Variants in ARL15 observed in about 807,000 individuals in gnomAD.
The protein encoded by ARL15 is ARF like GTPase 15.
A neutral mutation model predicts 25.2 loss-of-function variants in ARL15; 19 were observed. The ratio of observed to expected loss-of-function variants is 0.75; its 90% CI spans 0.53 to 1.10. The LOEUF (loss-of-function observed/expected upper bound fraction) is 1.10. ARL15 is among the 50% of genes least tolerant of loss of function. The pLI is 0.00. For synonymous variants in ARL15, 94 were observed against 86.8 expected, an observed-to-expected ratio of 1.08 and a Z score of -0.46; for missense variants, 220 against 246.0, an observed-to-expected ratio of 0.89 and a Z score of 0.71.
chr5:54,047,543 C>T (rs1026635324), intron 4 of ARL15, among the ~76,000 whole-genome samples: 4 of 152,182 alleles, frequency 2.6e-5, no homozygotes, highest in Admixed American at 2.6e-4. Context: ...TCTGCTAGGG[C>T]ATCGCTGTGG....
chr5:53,976,320 T>G (rs1747920596), intron 4 of ARL15, among the ~76,000 whole-genome samples: 1 of 152,080 alleles, frequency 6.6e-6, no homozygotes, highest in Non-Finnish European at 1.5e-5. Flanking sequence ...TTGCACATGC[T>G]CCAAGAACAG....
At position 54,217,105 on chromosome 5, in the gene ARL15, G is replaced by A. The variant is rs1341752253; in HGVS notation, c.49-45177C>T. On this transcript the variant is annotated intron_variant, in intron 1 of 4. Transcript: ENST00000504924. Reference sequence around the variant, plus strand: ...TAAGCCACAGTTTTCTTAAAATTCAGTTCGATTTAAAAGGAAGATTTATCC... The same window carrying A: ...TAAGCCACAGTTTTCTTAAAATTCAATTCGATTTAAAAGGAAGATTTATCC... 2.0e-5 allele frequency among the ~76,000 whole-genome samples: 3 copies of A among 151,628 alleles called. No homozygotes were observed. The South Asian group carries it at 6.2e-4, about 31-fold the overall frequency.
intron 1 of ARL15, among the ~76,000 whole-genome samples, chr5:54,201,311 C>T (rs936753294): frequency 2.0e-5 from 3 of 152,150 alleles, no homozygotes; most frequent in Admixed American, 2.0e-4. Flanking sequence ...ATACCCACCA[C>T]ATCACCATGA....
intron 4 of ARL15, among the ~76,000 whole-genome samples, chr5:53,947,541 G>A (rs1746789648): frequency 6.6e-6 from 1 of 152,046 alleles, no homozygotes. Context: ...CCTGATGCAG[G>A]GCATTTAATA....
chr5:54,054,594 T>C (rs544932442), intron 4 of ARL15, among the ~76,000 whole-genome samples: 233 of 152,194 alleles, frequency 1.5e-3, no homozygotes, highest in African/African-American at 5.4e-3. Context: ...ATCAAGACCA[T>C]CCTGGCTAAC....
chr5:54,190,155 T>A (rs1435846296), intron 1 of ARL15, among the ~76,000 whole-genome samples: 1 of 151,330 alleles, frequency 6.6e-6, no homozygotes, highest in Non-Finnish European at 1.5e-5. Context: ...ACTTTGGGAG[T>A]CAAGGCAGGT....
chr5:53,924,482 G>A, intron 4 of ARL15, among the ~76,000 whole-genome samples: 1 of 152,162 alleles, frequency 6.6e-6, no homozygotes, highest in East Asian at 1.9e-4. Flanking sequence ...TGAGCCAGAA[G>A]GGGACTTACA....
At chr5:53,992,757 T>C (rs1748544757) in intron 4 of ARL15, among the ~76,000 whole-genome samples, 1 of 152,182 alleles carries the variant, frequency 6.6e-6, no homozygotes, top group Non-Finnish European at 1.5e-5. Flanking sequence ...ACAGTATTGG[T>C]ACATTGCATG....
At chr5:54,125,136 C>A (rs1753208945) in intron 3 of ARL15, among the ~76,000 whole-genome samples, 2 of 147,090 alleles carry the variant, frequency 1.4e-5, no homozygotes, top group Non-Finnish European at 3.0e-5. Flanking sequence ...GGCCGGAGTG[C>A]AATTCTCCTG....
intron 4 of ARL15, among the ~76,000 whole-genome samples, chr5:54,045,844 C>T (rs1750492842): frequency 6.6e-6 from 1 of 152,200 alleles, no homozygotes; most frequent in Admixed American, 6.5e-5. Context: ...AGCCAACTCA[C>T]TTGAAGGAAA....
chr5:54,183,627 T>C (rs1755131113), intron 1 of ARL15, among the ~76,000 whole-genome samples: 1 of 151,758 alleles, frequency 6.6e-6, no homozygotes, highest in East Asian at 2.0e-4. Context: ...TGTGGAGAAA[T>C]AGGAACACTC....
rs200726851 is a variant in ARL15, at chr5:54,006,644, ATTTCC to A, written c.462+106553_462+106557del. 8.9e-3 allele frequency among the ~76,000 whole-genome samples: 1,355 copies of A among 152,244 alleles called. 9 individuals are homozygous for A. Among genetic ancestry groups the A allele is most frequent in the Non-Finnish European group, 0.013 (857 of 68,014 alleles). ...CAGACAAAATAAATAACATTTATTG[ATTTCC>A]TTTCATTTATTTGTTCTAAATGTAC... On this transcript the variant is annotated intron_variant, in intron 4 of 4. Transcript: ENST00000504924.
intron 4 of ARL15, among the ~76,000 whole-genome samples, chr5:54,083,157 G>A (rs1431685715): frequency 1.3e-5 from 2 of 152,154 alleles, no homozygotes; most frequent in Non-Finnish European, 2.9e-5. Flanking sequence ...TAACCATGAC[G>A]TCTTTCTACT....
At chr5:54,072,468 T>C (rs73754443) in intron 4 of ARL15, among the ~76,000 whole-genome samples, 22,850 of 152,118 alleles carry the variant, frequency 0.15, 2,074 homozygotes, top group African/African-American at 0.25. Context: ...AGTTTCAAGG[T>C]AACTATCTCT....
At chr5:54,136,745 T>C (rs940252625) in intron 3 of ARL15, among the ~76,000 whole-genome samples, 1 of 152,162 alleles carries the variant, frequency 6.6e-6, no homozygotes, top group Non-Finnish European at 1.5e-5. Flanking sequence ...AAAAAATAAT[T>C]CTTTTTATAG....
At chr5:54,257,572 C>A (rs2112614111) in intron 1 of ARL15, among the ~76,000 whole-genome samples, 1 of 152,300 alleles carries the variant, frequency 6.6e-6, no homozygotes, top group East Asian at 1.9e-4. Context: ...GAGCCAGTGA[C>A]CATGTGGAAT....
intron 4 of ARL15, among the ~76,000 whole-genome samples, chr5:54,006,601 A>C (rs945022891): frequency 4.6e-5 from 7 of 152,156 alleles, no homozygotes; most frequent in South Asian, 2.1e-4. Context: ...CACAGAATGG[A>C]ATTAAAAAAG....
intron 3 of ARL15, among the ~76,000 whole-genome samples, chr5:54,115,813 A>T (rs901606245): frequency 6.6e-6 from 1 of 152,152 alleles, no homozygotes; most frequent in Non-Finnish European, 1.5e-5. Context: ...TAAGCCAGAG[A>T]TTATTTAATA....
chr5:54,100,322 G>A (rs1752400107), intron 4 of ARL15, among the ~76,000 whole-genome samples: 1 of 151,988 alleles, frequency 6.6e-6, no homozygotes, highest in Non-Finnish European at 1.5e-5. Context: ...AAAATGATGA[G>A]GAAGGGAAAG....
Sources: allele counts gnomAD v4.1 joint callset (sites outside exome capture counted in the v4.1 genomes callset), GRCh38; gene constraint gnomAD v4.1.1; transcripts MANE v1.5; gene names NCBI Gene and HGNC (gene_info 2026-07-23, HGNC 2026-07-21).